CACNA2D3: variants seen among roughly 807,000 people sequenced by gnomAD.
CACNA2D3 encodes the protein voltage-dependent calcium channel subunit alpha-2/delta-3.
In CACNA2D3, 60 loss-of-function variants were observed where a neutral mutation model predicts 160.6. The ratio of observed to expected loss-of-function variants is 0.37; its 90% confidence interval spans 0.30 to 0.46. The LOEUF is 0.46. CACNA2D3 is among the 20% of genes least tolerant of loss of function. The probability of loss-of-function intolerance (pLI) is 1.00; values close to 1 mark genes in which losing one functional copy is unlikely to be tolerated. For synonymous variants in CACNA2D3, 558 were observed against 492.9 expected, an observed-to-expected ratio of 1.13 and a Z score of -1.75; for missense variants, 1,205 against 1,365.0, an observed-to-expected ratio of 0.88 and a Z score of 1.85.
At chr3:54,680,777 T>C (rs1700331206) in intron 11 of CACNA2D3, among the ~76,000 whole-genome samples, 1 of 151,772 alleles carries the variant, frequency 6.6e-6, no homozygotes, top group South Asian at 2.1e-4. Flanking sequence ...GCTTGGGAGG[T>C]TTTTCAGGGT....
rs746074552 is a variant in CACNA2D3 at position 55,074,154 on chromosome 3, C to A, written c.3224C>A (p.Ala1075Asp). The A allele has an allele frequency of 1.2e-6, 2 of 1,613,878 alleles. No homozygotes were observed. The highest frequency in any genetic ancestry group is 2.2e-5 in the South Asian group (2 of 91,070). ...RECGGAPSLQ[A>D]QTVLLLLPLL... The stretch of plus-strand genomic sequence containing the variant: ...TGTGGGGGTGCGCCGAGTCTCCAAG[C>A]CCAGACAGTCCTCCTTCTGCTCCCT... Residue 1075 changes from alanine (A) to aspartate (D), a missense_variant, in exon 38 of 38, where the codon GCC (alanine) becomes GAC (aspartate). By Grantham distance (126) the Ala-to-Asp change is moderately radical. Transcript: ENST00000474759.
intron 29 of CACNA2D3, among the ~76,000 whole-genome samples, chr3:54,974,376 C>T (rs1315814328): frequency 2.0e-5 from 3 of 152,188 alleles, no homozygotes; most frequent in African/African-American, 4.8e-5. Flanking sequence ...AAAACAGACT[C>T]GGAGTGTTAG....
intron 2 of CACNA2D3, among the ~76,000 whole-genome samples, chr3:54,252,317 A>G (rs537203296): frequency 6.0e-4 from 92 of 152,288 alleles, no homozygotes; most frequent in African/African-American, 2.2e-3. Flanking sequence ...TGGATATACA[A>G]GGACTTACTT....
intron 2 of CACNA2D3, among the ~76,000 whole-genome samples, chr3:54,134,874 C>G (rs1387503923): frequency 6.6e-6 from 1 of 152,228 alleles, no homozygotes; most frequent in South Asian, 2.1e-4. Context: ...CTCTGCAGTA[C>G]CAAGCTGAGC....
At chr3:54,241,209 C>T (rs950127180) in intron 2 of CACNA2D3, among the ~76,000 whole-genome samples, 3 of 152,120 alleles carry the variant, frequency 2.0e-5, no homozygotes, top group African/African-American at 7.2e-5. Context: ...GAAATATGAA[C>T]ACTTATCTAG....
chr3:54,337,115 C>T (rs1704401037), intron 3 of CACNA2D3, among the ~76,000 whole-genome samples: 1 of 152,178 alleles, frequency 6.6e-6, no homozygotes, highest in Admixed American at 6.5e-5. Context: ...AATCCGCACA[C>T]ACGGTGGTAG....
At chr3:54,579,888 A>C (rs1457215513) in intron 8 of CACNA2D3, among the ~76,000 whole-genome samples, 1 of 152,218 alleles carries the variant, frequency 6.6e-6, no homozygotes, top group African/African-American at 2.4e-5. Flanking sequence ...GTTAGAAGAT[A>C]TTTAAGCCCT....
intron 6 of CACNA2D3, among the ~76,000 whole-genome samples, chr3:54,567,502 G>A (rs1702426559): frequency 7.9e-6 from 1 of 126,354 alleles, no homozygotes; most frequent in South Asian, 2.5e-4. Context: ...TTCAGGTGGA[G>A]GTGGTTTTTT....
chr3:54,780,262 T>C (rs1391271645), intron 13 of CACNA2D3, among the ~76,000 whole-genome samples: 3 of 152,222 alleles, frequency 2.0e-5, no homozygotes, highest in Non-Finnish European at 2.9e-5. Context: ...AACTGACTTT[T>C]ATGAATGCCA....
intron 4 of CACNA2D3, among the ~76,000 whole-genome samples, chr3:54,463,136 G>A (rs1468587867): frequency 1.3e-5 from 2 of 151,914 alleles, no homozygotes; most frequent in Admixed American, 6.6e-5. Flanking sequence ...AGTTTCCGCC[G>A]AGAGATCCGC....
At chr3:54,563,023 G>C (rs1559513445) in intron 6 of CACNA2D3, 92 bp downstream of exon 6, 1 of 1,239,598 alleles carries the variant, frequency 8.1e-7, no homozygotes, top group East Asian at 2.6e-5. Context: ...AAACTTTTCT[G>C]CCTTTTCTTA....
intron 4 of CACNA2D3, among the ~76,000 whole-genome samples, chr3:54,472,741 AATAG>A (rs1458462589): frequency 6.6e-6 from 1 of 152,228 alleles, no homozygotes; most frequent in East Asian, 1.9e-4. Context: ...GTACACCAAT[AATAG>A]ATAAACAGAG....
intron 35 of CACNA2D3, among the ~76,000 whole-genome samples, chr3:55,022,189 A>G (rs78684188): frequency 0.078 from 11,823 of 151,406 alleles, 571 homozygotes; most frequent in Non-Finnish European, 0.1. Flanking sequence ...TGCCTAAGAA[A>G]TCATTCCTGT....
intron 9 of CACNA2D3, among the ~76,000 whole-genome samples, chr3:54,595,200 C>T (rs1949581): frequency 0.25 from 38,417 of 151,956 alleles, 5,177 homozygotes; most frequent in Middle Eastern, 0.35. Flanking sequence ...AAGACTAATA[C>T]AATAGTTAGT....
rs551589789 is a variant in CACNA2D3 at position 54,560,597 on chromosome 3, A to G, written c.545-2203A>G. 2.8e-4 allele frequency among the ~76,000 whole-genome samples: 42 copies of G among 152,002 alleles called. 2 individuals are homozygous for G. Among genetic ancestry groups the G allele is most frequent in the South Asian group, 2.5e-3 (12 of 4,810 alleles). On this transcript the variant is annotated intron_variant, in intron 5 of 37. Transcript: ENST00000474759. ...TGGTTTAATTAGATCCCATTTGTCAATTTTTGCTTTTGTTGCAATTGCTTT... is the reference window on the plus strand; with the variant it reads ...TGGTTTAATTAGATCCCATTTGTCAGTTTTTGCTTTTGTTGCAATTGCTTT...
chr3:54,279,909 C>T (rs10446477), intron 2 of CACNA2D3, among the ~76,000 whole-genome samples: 33,980 of 151,974 alleles, frequency 0.22, 4,623 homozygotes, highest in South Asian at 0.29. Flanking sequence ...CATTTTTACA[C>T]GAAGCAAAGG....
intron 27 of CACNA2D3, among the ~76,000 whole-genome samples, chr3:54,928,969 G>T (rs1255807636): frequency 6.6e-6 from 1 of 152,120 alleles, no homozygotes; most frequent in African/African-American, 2.4e-5. Flanking sequence ...TGCTGAGGTG[G>T]GGTTTCAACC....
intron 10 of CACNA2D3, among the ~76,000 whole-genome samples, chr3:54,631,545 C>T (rs1456300661): frequency 3.9e-5 from 6 of 152,190 alleles, no homozygotes; most frequent in South Asian, 2.1e-4. Context: ...CACATATACA[C>T]GCACACACAC....
intron 35 of CACNA2D3, among the ~76,000 whole-genome samples, chr3:55,056,318 A>G (rs956694718): frequency 6.6e-6 from 1 of 152,218 alleles, no homozygotes; most frequent in Non-Finnish European, 1.5e-5. Context: ...AGTGTTGAGA[A>G]GGATGTGGAG....
Sources: gnomAD v4.1 joint callset for allele counts (sites outside exome capture counted in the v4.1 genomes callset) on GRCh38, gnomAD v4.1.1 for gene constraint, MANE v1.5 for transcripts, NCBI Gene and HGNC (gene_info 2026-07-23, HGNC 2026-07-21) for gene names.